DSCAM: variants seen among roughly 807,000 people sequenced by gnomAD.
DSCAM encodes DS cell adhesion molecule.
In DSCAM, 47 loss-of-function variants were observed where a neutral mutation model predicts 217.7. That is an observed-to-expected ratio of 0.22 (90% CI 0.17 to 0.28). The LOEUF (loss-of-function observed/expected upper bound fraction) is 0.28, where lower values mean the gene tolerates loss of function less well. DSCAM is among the 10% of genes least tolerant of loss of function. The pLI is 1.00. For synonymous variants in DSCAM, 1,056 were observed against 1,015.3 expected (o/e 1.04, Z -0.76); for missense variants, 2,080 against 2,618.3 (o/e 0.79, Z 4.49).
intron 2 of DSCAM, among the ~76,000 whole-genome samples, chr21:40,700,642 AG>A (rs776706362): frequency 6.6e-6 from 1 of 152,072 alleles, no homozygotes. Flanking sequence ...TTTATGTATT[AG>A]GGTAATGCTA....
chr21:40,139,677 T>C lies in DSCAM; in HGVS notation c.3406+2881A>G, dbSNP rs114972270. On this transcript the variant is annotated intron_variant, in intron 18 of 32. Transcript: ENST00000400454. ...GTGTTTGTGTACGTGTGGTGTGGTA[T>C]GTGGTGTATATGGAGTGTGTGTCAT... Among the ~76,000 whole-genome samples, 654 of 151,904 alleles carry C rather than the reference T, an allele frequency of 4.3e-3. 7 individuals carry two copies. Among genetic ancestry groups the C allele is most frequent in the African/African-American group, 0.015 (636 of 41,420 alleles).
chr21:40,126,268 AAAAG>A (rs1262587190), intron 19 of DSCAM, among the ~76,000 whole-genome samples: 2 of 151,702 alleles, frequency 1.3e-5, no homozygotes, highest in South Asian at 2.1e-4. Context: ...GAGGGAAGAA[AAAAG>A]AAAGGAAGGA....
chr21:40,548,326 C>T (rs1377516221), intron 3 of DSCAM, among the ~76,000 whole-genome samples: 1 of 152,076 alleles, frequency 6.6e-6, no homozygotes, highest in Non-Finnish European at 1.5e-5. Flanking sequence ...GCCATCGACT[C>T]CTCCCAAGGG....
chr21:40,225,297 A>G (rs2091322231), intron 11 of DSCAM, among the ~76,000 whole-genome samples: 2 of 152,090 alleles, frequency 1.3e-5, no homozygotes, highest in Non-Finnish European at 2.9e-5. Flanking sequence ...CCATCATTTC[A>G]CGGCTGCACC....
chr21:40,439,711 T>C, intron 3 of DSCAM, among the ~76,000 whole-genome samples: 1 of 152,174 alleles, frequency 6.6e-6, no homozygotes. Flanking sequence ...CCCTCACAGT[T>C]ATGATGGCAG....
chr21:40,716,198 ACAT>A (rs757647280), intron 1 of DSCAM, among the ~76,000 whole-genome samples: 4 of 152,238 alleles, frequency 2.6e-5, no homozygotes, highest in Non-Finnish European at 5.9e-5. Flanking sequence ...TCTAAGAGAC[ACAT>A]CATATGGCCA....
intron 18 of DSCAM, among the ~76,000 whole-genome samples, chr21:40,141,265 T>C (rs1317637183): frequency 1.3e-5 from 2 of 152,124 alleles, no homozygotes; most frequent in East Asian, 3.9e-4. Flanking sequence ...TTGACCGCAT[T>C]TGCCCAAAAT....
chr21:40,152,157 C>T (rs1007878136), intron 16 of DSCAM, among the ~76,000 whole-genome samples: 1 of 152,026 alleles, frequency 6.6e-6, no homozygotes, highest in African/African-American at 2.4e-5. Context: ...TAAGGGCTCC[C>T]TTCTACTCCT....
chr21:40,763,121 G>C (rs545775002), intron 1 of DSCAM, among the ~76,000 whole-genome samples: 14 of 152,202 alleles, frequency 9.2e-5, no homozygotes, highest in African/African-American at 3.4e-4. Context: ...ATAAATAAAG[G>C]GCATTCAAAT....
At chr21:40,631,161 G>C (rs2089686519) in intron 3 of DSCAM, among the ~76,000 whole-genome samples, 1 of 151,998 alleles carries the variant, frequency 6.6e-6, no homozygotes. Flanking sequence ...TCTTATACGT[G>C]GCCTCTCTGC....
At chr21:40,047,806 G>T (rs1482075098) in intron 30 of DSCAM, among the ~76,000 whole-genome samples, 2 of 152,132 alleles carry the variant, frequency 1.3e-5, no homozygotes, top group African/African-American at 4.8e-5. Flanking sequence ...ACCACTGGAT[G>T]CACCTCACCC....
intron 20 of DSCAM, among the ~76,000 whole-genome samples, chr21:40,099,731 A>G (rs192408886): frequency 5.3e-5 from 8 of 152,336 alleles, no homozygotes; most frequent in African/African-American, 1.9e-4. Context: ...CTGTGAGGCC[A>G]CCTGGGCAGG....
chr21:40,475,787 T>A (rs903074220), intron 3 of DSCAM, among the ~76,000 whole-genome samples: 1 of 152,088 alleles, frequency 6.6e-6, no homozygotes, highest in Admixed American at 6.6e-5. Context: ...GCCTAGATCG[T>A]GCCGTCGCAC....
chr21:40,547,030 C>T (rs1164886121), intron 3 of DSCAM, among the ~76,000 whole-genome samples: 2 of 152,062 alleles, frequency 1.3e-5, no homozygotes, highest in South Asian at 4.2e-4. Context: ...CAAATCCCCT[C>T]ATAACATCAA....
chr21:40,343,866 ATTTTT>A (rs891719232), intron 6 of DSCAM, among the ~76,000 whole-genome samples: 1 of 149,542 alleles, frequency 6.7e-6, no homozygotes, highest in African/African-American at 2.4e-5. Flanking sequence ...ATTTTATTTT[ATTTTT>A]TATTTTATTA....
In DSCAM at chr21:40,760,114, C is replaced by T. The variant is rs1052817984; in HGVS notation, c.44-51343G>A. Among the ~76,000 whole-genome samples, 3 of 152,084 alleles carry T rather than the reference C, an allele frequency of 2.0e-5. No individual in the cohort carries two copies. In the East Asian group the frequency reaches 5.8e-4, roughly 29 times the overall value. On this transcript the variant is annotated intron_variant, in intron 1 of 32. Transcript: ENST00000400454. ...GTTCAAGCAACTCTTCAGCCTCAGC[C>T]TCCCGAGTAGCTGGGACTACAGGTG...
chr21:40,267,727 T>C (rs1197410718), intron 11 of DSCAM, among the ~76,000 whole-genome samples: 5 of 151,962 alleles, frequency 3.3e-5, no homozygotes, highest in Admixed American at 3.3e-4. Context: ...TGAAACCCCA[T>C]CTCTACTAAA....
intron 3 of DSCAM, among the ~76,000 whole-genome samples, chr21:40,607,486 A>G (rs1367482368): frequency 6.6e-6 from 1 of 150,672 alleles, no homozygotes; most frequent in African/African-American, 2.5e-5. Context: ...TCTTTAGGGG[A>G]AAAATGAAAA....
chr21:40,065,258 G>C (rs2089189990), intron 27 of DSCAM, among the ~76,000 whole-genome samples: 1 of 151,918 alleles, frequency 6.6e-6, no homozygotes, highest in East Asian at 1.9e-4. Flanking sequence ...TTTCAATATC[G>C]GGGGACATTA....
Sources: gnomAD v4.1 joint callset for allele counts (sites outside exome capture counted in the v4.1 genomes callset) on GRCh38, gnomAD v4.1.1 for gene constraint, MANE v1.5 for transcripts, NCBI Gene and HGNC (gene_info 2026-07-23, HGNC 2026-07-21) for gene names.